The following INPP5A variants were observed in gnomAD, a reference collection of about 807,000 sequenced individuals.
INPP5A encodes 43 kDa inositol polyphosphate 5-phophatase.
INPP5A carries 14 observed loss-of-function variants against 65.2 expected under a neutral mutation model. The ratio of observed to expected loss-of-function variants is 0.21; its 90% confidence interval spans 0.14 to 0.34. INPP5A has a LOEUF of 0.34. Among genes scored for constraint, INPP5A ranks in the 10% least tolerant of loss-of-function variants. INPP5A has a pLI of 1.00. For synonymous variants in INPP5A, 207 were observed against 208.3 expected (o/e 0.99, Z 0.05); for missense variants, 431 against 545.6 (o/e 0.79, Z 2.09).
chr10:132,775,263 T>A (rs1591006709), intron 12 of INPP5A, among the ~76,000 whole-genome samples: 1 of 147,852 alleles, frequency 6.8e-6, no homozygotes. Context: ...AGCACAGGAG[T>A]ACGATTGTTC....
At chr10:132,726,717 G>C in intron 8 of INPP5A, 104 bp from the exon 9 acceptor site, 1 of 805,194 alleles carries the variant, frequency 1.2e-6, no homozygotes, top group Non-Finnish European at 2.0e-6. Flanking sequence ...GCAGGTGACA[G>C]AACAGAGAGT....
At chr10:132,617,607 C>T (rs1318010103) in intron 2 of INPP5A, among the ~76,000 whole-genome samples, 1 of 152,212 alleles carries the variant, frequency 6.6e-6, no homozygotes, top group Non-Finnish European at 1.5e-5. Context: ...CCATTGTGAC[C>T]TTCTTCCTGT....
chr10:132,729,081 G>A (rs920465157), intron 9 of INPP5A, among the ~76,000 whole-genome samples: 1 of 152,180 alleles, frequency 6.6e-6, no homozygotes, highest in South Asian at 2.1e-4. Context: ...CTCAGCAGGC[G>A]TGGGGGGCCT....
intron 9 of INPP5A, among the ~76,000 whole-genome samples, chr10:132,728,832 C>T (rs1021737366): frequency 3.3e-5 from 5 of 152,320 alleles, no homozygotes; most frequent in South Asian, 4.1e-4. Flanking sequence ...CCGCGGGAGC[C>T]TCCCTGGTGA....
Position 132,637,375 on chromosome 10 carries a change from G to A in INPP5A, c.118-8493G>A, listed in dbSNP as rs1014952166. 2.0e-5 allele frequency among the ~76,000 whole-genome samples: 3 copies of A among 150,348 alleles called. No homozygotes were observed. Among genetic ancestry groups the A allele is most frequent in the Non-Finnish European group, 4.5e-5 (3 of 67,352 alleles). ...TGTTTTGAAGTTTTCCTGGGTTATA[G>A]TTTTAAATGTTAGGTGTTTCAGGTG... On this transcript the variant is annotated intron_variant, in intron 2 of 15. Transcript: ENST00000368594. The surrounding 1 kb of genome is among the most constrained non-coding windows in gnomAD (Gnocchi z 4.1).
chr10:132,607,185 A>G (rs2071868338), intron 1 of INPP5A, among the ~76,000 whole-genome samples: 1 of 152,034 alleles, frequency 6.6e-6, no homozygotes, highest in African/African-American at 2.4e-5. Flanking sequence ...CAGGGTGGAG[A>G]GCGACTGGGC....
At chr10:132,598,718 A>C (rs2071740509) in intron 1 of INPP5A, among the ~76,000 whole-genome samples, 1 of 152,210 alleles carries the variant, frequency 6.6e-6, no homozygotes, top group African/African-American at 2.4e-5. Flanking sequence ...GAATTGTATT[A>C]GTTCATTTTC....
intron 9 of INPP5A, among the ~76,000 whole-genome samples, chr10:132,743,903 C>CT (rs1846322056): frequency 6.6e-6 from 1 of 152,252 alleles, no homozygotes; most frequent in Non-Finnish European, 1.5e-5. Flanking sequence ...AGTGCATTCA[C>CT]TCTGGCGCAG....
Position 132,765,864 on chromosome 10 carries a change from T to C in INPP5A, c.977+18T>C. The C allele has an allele frequency of 6.5e-7, 1 of 1,535,474 alleles. No individual in the cohort carries two copies. The highest frequency in any genetic ancestry group is 1.4e-5 in the African/African-American group (1 of 73,480). On this transcript the variant is annotated intron_variant, in intron 12 of 15. Coordinates refer to ENST00000368594, the MANE Select transcript of INPP5A (RefSeq NM_005539.5). ...CCTCCCAGGTATGGAACATGCTGTTTGCTGGATGAACCCGGCCGGGAAGGT... is the reference window on the plus strand; with the variant it reads ...CCTCCCAGGTATGGAACATGCTGTTCGCTGGATGAACCCGGCCGGGAAGGT...
At chr10:132,577,401 G>C (rs1403342861) in intron 1 of INPP5A, among the ~76,000 whole-genome samples, 1 of 152,216 alleles carries the variant, frequency 6.6e-6, no homozygotes, top group Non-Finnish European at 1.5e-5. Context: ...CATCCTACAG[G>C]TGGCATTCCT....
chr10:132,635,721 T>C (rs561426786), intron 2 of INPP5A, among the ~76,000 whole-genome samples: 1 of 151,892 alleles, frequency 6.6e-6, no homozygotes, highest in Admixed American at 6.6e-5. Flanking sequence ...TTAAAGCTAC[T>C]TGGGAGGGTG....
At chr10:132,740,150 G>A (rs958578493) in intron 9 of INPP5A, among the ~76,000 whole-genome samples, 1 of 152,256 alleles carries the variant, frequency 6.6e-6, no homozygotes, top group African/African-American at 2.4e-5. Context: ...CACGGGACCA[G>A]TAATGCTTCT....
At chr10:132,583,834 C>A (rs1273334357) in intron 1 of INPP5A, among the ~76,000 whole-genome samples, 1 of 152,190 alleles carries the variant, frequency 6.6e-6, no homozygotes, top group Non-Finnish European at 1.5e-5. Context: ...GTAATCCCAG[C>A]ACTTTTGGAG....
chr10:132,633,613 C>T (rs994416647), intron 2 of INPP5A, among the ~76,000 whole-genome samples: 10 of 152,144 alleles, frequency 6.6e-5, no homozygotes, highest in African/African-American at 2.4e-4. Flanking sequence ...CAGAGATTCC[C>T]TCTTTTCTCC....
At chr10:132,614,328 A>T (rs2072001258) in intron 2 of INPP5A, among the ~76,000 whole-genome samples, 1 of 152,172 alleles carries the variant, frequency 6.6e-6, no homozygotes, top group Non-Finnish European at 1.5e-5. Flanking sequence ...TTAGCCAGGC[A>T]TGGTGGTGGG....
intron 1 of INPP5A, among the ~76,000 whole-genome samples, chr10:132,573,206 A>G (rs12780280): frequency 0.012 from 698 of 60,602 alleles, no homozygotes; most frequent in Middle Eastern, 0.021. Flanking sequence ...GTGAGGTTTT[A>G]TTGAGATGTT....
At chr10:132,721,432 C>G (rs1156603065) in intron 8 of INPP5A, among the ~76,000 whole-genome samples, 4 of 139,786 alleles carry the variant, frequency 2.9e-5, no homozygotes, top group Non-Finnish European at 6.1e-5. Context: ...CGGCTGGCTT[C>G]AGGGTTCTGT....
At chr10:132,606,965 A>G (rs531283580) in intron 1 of INPP5A, among the ~76,000 whole-genome samples, 1 of 150,866 alleles carries the variant, frequency 6.6e-6, no homozygotes, top group South Asian at 2.1e-4. Context: ...TGGAAACTCT[A>G]CCCTTTTAGA....
At chr10:132,672,616 A>G (rs2072906403) in intron 4 of INPP5A, among the ~76,000 whole-genome samples, 1 of 152,218 alleles carries the variant, frequency 6.6e-6, no homozygotes, top group Non-Finnish European at 1.5e-5. Flanking sequence ...CTGTAAGTCC[A>G]TATTAAACCT....
Sources: gnomAD v4.1 joint callset for allele counts (sites outside exome capture counted in the v4.1 genomes callset) on GRCh38, gnomAD v4.1.1 for gene constraint, Gnocchi (gnomAD v3.1) non-coding constraint, MANE v1.5 for transcripts, NCBI Gene and HGNC (gene_info 2026-07-23, HGNC 2026-07-21) for gene names.